ANXA4: variants seen among roughly 807,000 people sequenced by gnomAD.
ANXA4 encodes the protein annexin A4, also known as 35-beta calcimedin.
Under a neutral mutation model 49.8 loss-of-function variants are expected in ANXA4, and 39 were observed. That is an observed-to-expected ratio of 0.78 (90% confidence interval 0.61 to 1.02). The LOEUF (loss-of-function observed/expected upper bound fraction) is 1.02. Among genes scored for constraint, ANXA4 ranks in the 50% least tolerant of loss-of-function variants. The pLI is 0.00. For synonymous variants in ANXA4, 134 were observed against 152.5 expected (o/e 0.88, Z 0.89); for missense variants, 360 against 410.1 (o/e 0.88, Z 1.05).
chr2:69,669,970 G>A (rs971798716), intron 2 of ANXA4, among the ~76,000 whole-genome samples: 3 of 152,112 alleles, frequency 2.0e-5, no homozygotes, highest in African/African-American at 4.8e-5. Context: ...GGAAGAGTTG[G>A]GGGGAAAAGT....
chr2:69,756,101 C>T (rs1671028760), intron 1 of ANXA4, among the ~76,000 whole-genome samples: 1 of 152,220 alleles, frequency 6.6e-6, no homozygotes, highest in African/African-American at 2.4e-5. Flanking sequence ...GGCTACACAT[C>T]AGGGTGTCCT....
At chr2:69,768,008 C>T (rs918711490) in intron 1 of ANXA4, among the ~76,000 whole-genome samples, 7 of 151,564 alleles carry the variant, frequency 4.6e-5, no homozygotes, top group African/African-American at 1.2e-4. Flanking sequence ...TAATTATACA[C>T]GTATACACAT....
intron 1 of ANXA4, among the ~76,000 whole-genome samples, chr2:69,645,464 AATTAGACTC>A (rs1675972763): frequency 6.6e-6 from 1 of 152,216 alleles, no homozygotes; most frequent in Non-Finnish European, 1.5e-5. Context: ...GCTCATTTGG[AATTAGACTC>A]ATTGACCCCC....
At chr2:69,824,366 G>A (rs572451846) in intron 12 of ANXA4, among the ~76,000 whole-genome samples, 2 of 152,194 alleles carry the variant, frequency 1.3e-5, no homozygotes, top group African/African-American at 4.8e-5. Flanking sequence ...AGCCAGGCGT[G>A]GTGGTGTGTA....
At position 69,771,094 on chromosome 2, in the gene ANXA4, CAAAAAAAAAAAAAAGA is replaced by C. The variant is rs1410776735; in HGVS notation, c.-46-10411_-46-10396del. Among the ~76,000 whole-genome samples the C allele has an allele frequency of 1.2e-4, 5 of 42,420 alleles. No individual in the cohort carries two copies. The East Asian group carries it at 1.9e-3, about 16-fold the overall frequency. 27.8% of individuals were successfully genotyped at this position (42,420 alleles called of 152,430 possible). A position where few individuals can be genotyped will look rare whatever the true frequency, so the allele number is the denominator to read the frequency against. ...GGGCAACAGGGCAAGACCCTGTCTC[CAAAAAAAAAAAAAAGA>C]AAAAAAAAAAAAAAAGAAAGGAAAA... On this transcript the variant is annotated intron_variant, in intron 1 of 12. Coordinates refer to ENST00000394295, the MANE Select transcript of ANXA4 (RefSeq NM_001153.5).
At chr2:69,656,479 T>A (rs964234825) in intron 2 of ANXA4, among the ~76,000 whole-genome samples, 8 of 148,270 alleles carry the variant, frequency 5.4e-5, no homozygotes, top group African/African-American at 2.0e-4. Flanking sequence ...CTGAATACAG[T>A]ATTGACCCCA....
intron 1 of ANXA4, among the ~76,000 whole-genome samples, chr2:69,753,295 A>G (rs7589995): frequency 0.59 from 89,383 of 151,904 alleles, 27,720 homozygotes; most frequent in African/African-American, 0.77. Flanking sequence ...AACCACTTGC[A>G]TAAGAATCAG....
intron 2 of ANXA4, among the ~76,000 whole-genome samples, chr2:69,690,606 C>T (rs1287239713): frequency 6.6e-6 from 1 of 152,184 alleles, no homozygotes; most frequent in East Asian, 1.9e-4. Flanking sequence ...CCCTGGGATA[C>T]CCTCTCCAGC....
At chr2:69,775,508 G>A (rs1671927178) in intron 1 of ANXA4, among the ~76,000 whole-genome samples, 1 of 152,192 alleles carries the variant, frequency 6.6e-6, no homozygotes, top group African/African-American at 2.4e-5. Flanking sequence ...GAAATCAAGA[G>A]CAATCACCAT....
At chr2:69,724,775 A>AAAGATAAGC (rs1669914572) in intron 3 of ANXA4, among the ~76,000 whole-genome samples, 26 of 152,230 alleles carry the variant, frequency 1.7e-4, no homozygotes, top group African/African-American at 2.2e-4. Context: ...GGCAAGAAAG[A>AAAGATAAGC]TGAACTCATT....
intron 8 of ANXA4, chr2:69,814,718 AGAGAGAGC>A (rs1186966468): frequency 5.8e-5 from 9 of 154,392 alleles, no homozygotes; most frequent in African/African-American, 2.2e-4. Context: ...ACCAATAGAG[AGAGAGAGC>A]GAGAGAGACA....
intron 3 of ANXA4, among the ~76,000 whole-genome samples, chr2:69,801,948 A>C (rs1573287941): frequency 6.6e-6 from 1 of 152,342 alleles, no homozygotes; most frequent in Middle Eastern, 3.4e-3. Flanking sequence ...GAGGACATAT[A>C]AACCAATAGA....
intron 2 of ANXA4, among the ~76,000 whole-genome samples, chr2:69,683,233 A>G (rs1677660222): frequency 6.6e-6 from 1 of 152,182 alleles, no homozygotes; most frequent in Non-Finnish European, 1.5e-5. Context: ...TCCCAGTGAA[A>G]AGAACTCTTA....
At chr2:69,723,526 G>A (rs1669875802) in intron 3 of ANXA4, among the ~76,000 whole-genome samples, 1 of 152,164 alleles carries the variant, frequency 6.6e-6, no homozygotes. Flanking sequence ...CTAGTCCAAT[G>A]TCTCCAACCA....
At chr2:69,755,965 G>A (rs753331886) in intron 1 of ANXA4, among the ~76,000 whole-genome samples, 1 of 152,098 alleles carries the variant, frequency 6.6e-6, no homozygotes, top group African/African-American at 2.4e-5. Flanking sequence ...TATTATATCT[G>A]TGTGGTGAAA....
intron 5 of ANXA4, 47 bp from the exon 6 acceptor site, chr2:69,807,859 C>A: frequency 1.3e-6 from 2 of 1,536,118 alleles, no homozygotes. Context: ...TGGGCCTCAG[C>A]TTTGTAAACT....
At chr2:69,657,105 C>T (rs549939232) in intron 2 of ANXA4, among the ~76,000 whole-genome samples, 141 of 151,886 alleles carry the variant, frequency 9.3e-4, no homozygotes, top group Non-Finnish European at 1.7e-3. Flanking sequence ...AGCAATTCTC[C>T]TGGCTCAGCC....
chr2:69,819,415 C>T, intron 11 of ANXA4, 77 bp downstream of exon 11: 1 of 1,064,388 alleles, frequency 9.4e-7, no homozygotes, highest in Non-Finnish European at 1.4e-6. Context: ...CTTATATCCC[C>T]TATCCAAACT....
At chr2:69,674,778 T>C (rs1677330680) in intron 2 of ANXA4, among the ~76,000 whole-genome samples, 1 of 152,192 alleles carries the variant, frequency 6.6e-6, no homozygotes, top group Admixed American at 6.5e-5. Context: ...CTTTCTCTTC[T>C]AAATTATTAA....
Sources: gnomAD v4.1 joint callset for allele counts (sites outside exome capture counted in the v4.1 genomes callset) on GRCh38, gnomAD v4.1.1 for gene constraint, MANE v1.5 for transcripts, NCBI Gene and HGNC (gene_info 2026-07-23, HGNC 2026-07-21) for gene names.